CDIN1: variants seen among roughly 807,000 people sequenced by gnomAD.
CDIN1 encodes CDAN1-interacting nuclease 1.
Under a neutral mutation model 45.3 loss-of-function variants are expected in CDIN1, and 33 were observed. The observed-to-expected ratio is 0.73, with a 90% CI of 0.55 to 0.97. The LOEUF (loss-of-function observed/expected upper bound fraction) is 0.97, where lower values mean the gene tolerates loss of function less well. Among genes scored for constraint, CDIN1 ranks in the 50% least tolerant of loss-of-function variants. The probability of loss-of-function intolerance (pLI) is 0.00; values close to 1 mark genes in which losing one functional copy is unlikely to be tolerated. For synonymous variants in CDIN1, 118 were observed against 124.4 expected, an observed-to-expected ratio of 0.95 and a Z score of 0.34; for missense variants, 303 against 339.4, an observed-to-expected ratio of 0.89 and a Z score of 0.84.
At chr15:36,721,782 C>G (rs992475456) in intron 10 of CDIN1, among the ~76,000 whole-genome samples, 2 of 152,030 alleles carry the variant, frequency 1.3e-5, no homozygotes, top group Non-Finnish European at 2.9e-5. Context: ...CTCTCTCTCT[C>G]TCTCTCTGTC....
chr15:36,718,935 T>C (rs920269215), intron 10 of CDIN1, among the ~76,000 whole-genome samples: 1 of 151,028 alleles, frequency 6.6e-6, no homozygotes, highest in African/African-American at 2.4e-5. Context: ...TTAAGAATGA[T>C]GTTAGGGGTG....
At chr15:36,694,690 T>G (rs1220340043) in intron 7 of CDIN1, among the ~76,000 whole-genome samples, 1 of 152,116 alleles carries the variant, frequency 6.6e-6, no homozygotes, top group Admixed American at 6.6e-5. Flanking sequence ...ACCTCAACTT[T>G]CCAAAGTGTG....
chr15:36,768,874 C>G (rs1002151116), intron 10 of CDIN1, among the ~76,000 whole-genome samples: 4 of 152,020 alleles, frequency 2.6e-5, no homozygotes, highest in Non-Finnish European at 4.4e-5. Context: ...AAAGGAGTTT[C>G]CTAGGAGGAC....
chr15:36,659,176 T>A (rs550482705), intron 5 of CDIN1, among the ~76,000 whole-genome samples: 191 of 152,320 alleles, frequency 1.3e-3, no homozygotes, highest in African/African-American at 4.3e-3. Flanking sequence ...TAGAGCAGTA[T>A]CAAACACAGT....
intron 5 of CDIN1, among the ~76,000 whole-genome samples, chr15:36,673,388 C>T (rs1001681950): frequency 7.2e-5 from 11 of 152,210 alleles, no homozygotes; most frequent in Non-Finnish European, 1.3e-4. Flanking sequence ...AGCATCTTTG[C>T]AGTTCAATGA....
intron 10 of CDIN1, among the ~76,000 whole-genome samples, chr15:36,740,963 G>A (rs879456060): frequency 6.6e-6 from 1 of 151,624 alleles, no homozygotes. Flanking sequence ...TTGAGACAAG[G>A]TCTCACTCTC....
intron 1 of CDIN1, chr15:36,614,087 A>T (rs925689249): frequency 2.3e-6 from 2 of 863,844 alleles, no homozygotes; most frequent in African/African-American, 3.3e-5. Context: ...GTTTGCTGAG[A>T]GATCGGTAGC....
At chr15:36,762,802 T>C (rs2053807532) in intron 10 of CDIN1, among the ~76,000 whole-genome samples, 1 of 152,168 alleles carries the variant, frequency 6.6e-6, no homozygotes, top group South Asian at 2.1e-4. Context: ...TTCATCCATG[T>C]CCCTACAAAG....
At chr15:36,725,626 G>T (rs544544786) in intron 10 of CDIN1, among the ~76,000 whole-genome samples, 1 of 152,320 alleles carries the variant, frequency 6.6e-6, no homozygotes, top group South Asian at 2.1e-4. Context: ...TGTACATAAT[G>T]TGTTAAAAGG....
rs575966445 is a variant in CDIN1 at position 36,806,172 on chromosome 15, G to A, written c.717-2152G>A. On this transcript the variant is annotated intron_variant, in intron 10 of 10. Transcript: ENST00000566621. Reference sequence around the variant, plus strand: ...ATGAAATGTTCAGGTTCACAATCTTGCAAAACCTTTTTGAGTTGCAGGAAT... The same window carrying A: ...ATGAAATGTTCAGGTTCACAATCTTACAAAACCTTTTTGAGTTGCAGGAAT... 2.6e-5 allele frequency among the ~76,000 whole-genome samples: 4 copies of A among 152,276 alleles called. No homozygotes were observed. The South Asian group carries it at 8.3e-4, about 32-fold the overall frequency.
intron 1 of CDIN1, chr15:36,613,785 T>C: frequency 1.2e-6 from 2 of 1,602,436 alleles, no homozygotes; most frequent in Non-Finnish European, 1.7e-6. Context: ...GAAGAAAAGA[T>C]AGAACTCCAG....
At chr15:36,584,390 G>A (rs1203729472) in intron 1 of CDIN1, among the ~76,000 whole-genome samples, 3 of 152,144 alleles carry the variant, frequency 2.0e-5, no homozygotes, top group Admixed American at 6.5e-5. Context: ...AGTTAGGAAC[G>A]TGCCACTGCA....
chr15:36,580,715 A>G (rs2037004772), intron 1 of CDIN1, among the ~76,000 whole-genome samples: 1 of 152,232 alleles, frequency 6.6e-6, no homozygotes, highest in Admixed American at 6.5e-5. Flanking sequence ...ATGAGGAACC[A>G]GTTGAGGACA....
chr15:36,711,771 C>G (rs1450585866), intron 10 of CDIN1, among the ~76,000 whole-genome samples: 1 of 152,148 alleles, frequency 6.6e-6, no homozygotes, highest in Non-Finnish European at 1.5e-5. Flanking sequence ...ACAGAAGTCA[C>G]TGATGTTACC....
chr15:36,611,189 C>A (rs947980015), intron 1 of CDIN1, among the ~76,000 whole-genome samples: 1 of 152,144 alleles, frequency 6.6e-6, no homozygotes, highest in African/African-American at 2.4e-5. Context: ...GAATCTGGTT[C>A]TGACTGAACT....
At chr15:36,773,810 C>G (rs1384370341) in intron 10 of CDIN1, among the ~76,000 whole-genome samples, 1 of 152,184 alleles carries the variant, frequency 6.6e-6, no homozygotes, top group African/African-American at 2.4e-5. Context: ...ACTTGTCAGG[C>G]TAGGGATAAA....
At chr15:36,744,772 A>G (rs1337556278) in intron 10 of CDIN1, among the ~76,000 whole-genome samples, 3 of 152,170 alleles carry the variant, frequency 2.0e-5, no homozygotes, top group Non-Finnish European at 4.4e-5. Flanking sequence ...ATGGCCTTCA[A>G]CTATACTGCT....
chr15:36,716,257 G>T (rs1345634969), intron 10 of CDIN1, among the ~76,000 whole-genome samples: 4 of 152,094 alleles, frequency 2.6e-5, no homozygotes, highest in Non-Finnish European at 4.4e-5. Flanking sequence ...ACTTCGTGTT[G>T]ACACCCACTA....
chr15:36,655,326 C>CTTTTTTTTTTTT (rs146085190), intron 4 of CDIN1, among the ~76,000 whole-genome samples: 1 of 129,580 alleles, frequency 7.7e-6, no homozygotes. Flanking sequence ...TTTTTTTTTG[C>CTTTTTTTTTTTT]TTTTTTTTTT....
Sources: allele counts gnomAD v4.1 joint callset (sites outside exome capture counted in the v4.1 genomes callset), GRCh38; gene constraint gnomAD v4.1.1; transcripts MANE v1.5; gene names NCBI Gene and HGNC (gene_info 2026-07-23, HGNC 2026-07-21).